ARID1B: variants seen among roughly 807,000 people sequenced by gnomAD.
ARID1B encodes AT-rich interactive domain-containing protein 1B.
ARID1B carries 30 observed loss-of-function variants against 212.3 expected under a neutral mutation model. That is an observed-to-expected ratio of 0.14 (90% CI 0.11 to 0.19). The LOEUF is 0.19. ARID1B is among the 10% of genes least tolerant of loss of function. The pLI is 1.00. For synonymous variants in ARID1B, 1,402 were observed against 1,301.7 expected (o/e 1.08, Z -1.66); for missense variants, 2,891 against 3,204.0 (o/e 0.90, Z 2.36).
intron 2 of ARID1B, among the ~76,000 whole-genome samples, chr6:156,837,529 T>G (rs1302191720): frequency 1.3e-5 from 2 of 152,184 alleles, no homozygotes; most frequent in Non-Finnish European, 2.9e-5. Flanking sequence ...AGGTAAAAAG[T>G]TTTTCTTTTA....
At chr6:157,118,196 C>T (rs769744068) in intron 6 of ARID1B, among the ~76,000 whole-genome samples, 1 of 152,082 alleles carries the variant, frequency 6.6e-6, no homozygotes, top group Non-Finnish European at 1.5e-5. Context: ...ATGAAGGAGA[C>T]CACCCGGATA....
At chr6:157,134,287 G>A (rs1788758962) in intron 7 of ARID1B, among the ~76,000 whole-genome samples, 1 of 152,180 alleles carries the variant, frequency 6.6e-6, no homozygotes, top group Non-Finnish European at 1.5e-5. Flanking sequence ...AGCTTGAAAA[G>A]CGAGTTATTA....
At chr6:157,145,724 C>G (rs1789680060) in intron 7 of ARID1B, among the ~76,000 whole-genome samples, 1 of 152,192 alleles carries the variant, frequency 6.6e-6, no homozygotes, top group South Asian at 2.1e-4. Flanking sequence ...TGCTTGGACT[C>G]TAAGCTACAC....
chr6:157,062,381 A>G (rs569349205), intron 4 of ARID1B, among the ~76,000 whole-genome samples: 2 of 151,904 alleles, frequency 1.3e-5, no homozygotes, highest in South Asian at 2.1e-4. Context: ...CATTTTTTGT[A>G]GAGACGGGGT....
At chr6:156,888,125 T>C (rs1365021608) in intron 2 of ARID1B, among the ~76,000 whole-genome samples, 1 of 152,272 alleles carries the variant, frequency 6.6e-6, no homozygotes, top group East Asian at 1.9e-4. Flanking sequence ...GTTATCTCTT[T>C]AAAATTTTCT....
chr6:156,971,052 T>G (rs1776886715), intron 4 of ARID1B, among the ~76,000 whole-genome samples: 1 of 152,194 alleles, frequency 6.6e-6, no homozygotes, highest in Non-Finnish European at 1.5e-5. Flanking sequence ...TTCATCCTTC[T>G]TGAAGTTCAC....
chr6:156,782,343 T>G (rs1779339584), intron 1 of ARID1B, among the ~76,000 whole-genome samples: 1 of 152,156 alleles, frequency 6.6e-6, no homozygotes, highest in Non-Finnish European at 1.5e-5. Context: ...GGACAAAACG[T>G]GTATATATTA....
intron 5 of ARID1B, among the ~76,000 whole-genome samples, chr6:157,095,180 T>C (rs1785527734): frequency 6.6e-6 from 1 of 152,116 alleles, no homozygotes; most frequent in Non-Finnish European, 1.5e-5. Flanking sequence ...GCATTTCCAA[T>C]AATTTCTAGT....
At chr6:156,912,642 T>C (rs1480596680) in intron 3 of ARID1B, among the ~76,000 whole-genome samples, 2 of 152,216 alleles carry the variant, frequency 1.3e-5, no homozygotes, top group Non-Finnish European at 2.9e-5. Flanking sequence ...TCCTGTTTCA[T>C]TGAAGAAATC....
chr6:157,021,073 C>T (rs967509847), intron 4 of ARID1B, among the ~76,000 whole-genome samples: 1 of 141,324 alleles, frequency 7.1e-6, no homozygotes, highest in East Asian at 2.5e-4. Flanking sequence ...CGGCGTCCTT[C>T]CCTCCTCGGC....
chr6:156,989,841 C>A (rs1419677936), intron 4 of ARID1B, among the ~76,000 whole-genome samples: 4 of 152,102 alleles, frequency 2.6e-5, no homozygotes. Flanking sequence ...ATGTTACCTC[C>A]CGGGTGATGG....
chr6:156,879,314 C>T (rs950590789), intron 2 of ARID1B, among the ~76,000 whole-genome samples: 4 of 152,242 alleles, frequency 2.6e-5, no homozygotes, highest in African/African-American at 7.2e-5. Flanking sequence ...GGAACCTGTG[C>T]TTTGGCGTTG....
chr6:156,946,371 CAAAAAAT>C (rs1358939325), intron 4 of ARID1B, among the ~76,000 whole-genome samples: 2 of 151,164 alleles, frequency 1.3e-5, no homozygotes, highest in African/African-American at 4.9e-5. Context: ...GACTCCATCT[CAAAAAAT>C]AAAAAATAAA....
chr6:156,868,022 G>A (rs1785834567), intron 2 of ARID1B, among the ~76,000 whole-genome samples: 1 of 152,198 alleles, frequency 6.6e-6, no homozygotes, highest in Non-Finnish European at 1.5e-5. Context: ...TCCTCACAGT[G>A]GGGATTGATG....
chr6:156,848,498 C>A (rs917261953), intron 2 of ARID1B, among the ~76,000 whole-genome samples: 3 of 152,230 alleles, frequency 2.0e-5, no homozygotes, highest in Admixed American at 6.5e-5. Context: ...CCACTTTTAT[C>A]AGCTTTCCCA....
intron 4 of ARID1B, among the ~76,000 whole-genome samples, chr6:157,040,151 G>T (rs1021519387): frequency 2.0e-5 from 3 of 152,260 alleles, no homozygotes; most frequent in Non-Finnish European, 2.9e-5. Flanking sequence ...TGTTGGCCAG[G>T]ATGGTCTCGA....
chr6:157,148,739 G>T lies in ARID1B; in HGVS notation c.2877G>T (p.Gln959His). Residue 959 changes from glutamine to histidine, a missense_variant, in exon 8 of 20, where the codon CAG becomes CAT. Physicochemically the swap from Gln to His is conservative, Grantham distance 24 (BLOSUM62 0). This residue lies in a region of ARID1B where 1,643 missense variants were observed against 1,544.0 expected (regional missense o/e 1.06). Coordinates refer to ENST00000636930, the MANE Select transcript of ARID1B (RefSeq NM_001374828.1). This position sits in a 1 kb window ranked among gnomAD's most constrained non-coding sequence, Gnocchi z 5.6. ...AGATGCATGGACAAGGGCCAAGCCA[G>T]CCATGTGGTGCTGTGCCCCTGGGAC... Reference protein sequence around the residue: ...NNQMHGQGPSQPCGAVPLGRM... With the variant: ...NNQMHGQGPSHPCGAVPLGRM... 6.2e-7 allele frequency: 1 copy of T among 1,613,276 alleles called. No homozygotes were observed. The highest frequency in any genetic ancestry group is 8.5e-7 in the Non-Finnish European group (1 of 1,179,968).
At chr6:156,832,762 C>G (rs867846569) in intron 2 of ARID1B, among the ~76,000 whole-genome samples, 79 of 152,132 alleles carry the variant, frequency 5.2e-4, no homozygotes, top group African/African-American at 1.8e-3. Flanking sequence ...TTTTTTGTCT[C>G]TGAGAGTCTG....
At chr6:157,204,182 T>C (rs1029656388) in intron 19 of ARID1B, 186 bp downstream of exon 19, 9 of 709,938 alleles carry the variant, frequency 1.3e-5, no homozygotes, top group Non-Finnish European at 2.1e-5. Flanking sequence ...CTGTAGTCTT[T>C]AGTGTGTGTA....
Sources: allele counts gnomAD v4.1 joint callset (sites outside exome capture counted in the v4.1 genomes callset), GRCh38; gene constraint gnomAD v4.1.1; regional missense constraint gnomAD v4.1.1; non-coding constraint Gnocchi (gnomAD v3.1); transcripts MANE v1.5; gene names NCBI Gene and HGNC (gene_info 2026-07-23, HGNC 2026-07-21).